PTPRC: variants seen among roughly 807,000 people sequenced by gnomAD.
PTPRC encodes the protein protein tyrosine phosphatase receptor type C, also known as receptor-type tyrosine-protein phosphatase C.
A neutral mutation model predicts 155.9 loss-of-function variants in PTPRC; 44 were observed. The ratio of observed to expected loss-of-function variants is 0.28; its 90% CI spans 0.22 to 0.36. PTPRC has a LOEUF of 0.36. Ranked by LOEUF, PTPRC falls within the 10% of genes least tolerant of loss-of-function variation. The pLI, the probability that PTPRC is intolerant of heterozygous loss-of-function variation, is 1.00. For missense variants in PTPRC, 1,401 were observed against 1,564.6 expected (o/e 0.90, Z 1.76); for synonymous variants, 525 against 533.1 (o/e 0.98, Z 0.21).
At chr1:198,739,609 T>C (rs1358014042) in intron 23 of PTPRC, among the ~76,000 whole-genome samples, 1 of 151,758 alleles carries the variant, frequency 6.6e-6, no homozygotes, top group Non-Finnish European at 1.5e-5. Flanking sequence ...AAGAGAGAGA[T>C]AGACTCCAAT....
At chr1:198,703,461 G>T (rs755851924) in intron 7 of PTPRC, 89 bp downstream of exon 7, 32 of 1,598,244 alleles carry the variant, frequency 2.0e-5, no homozygotes, top group Middle Eastern at 1.7e-4. Context: ...TCTACCTCGG[G>T]CTCCTTTCTT....
At chr1:198,690,537 T>G (rs1428952610) in intron 2 of PTPRC, among the ~76,000 whole-genome samples, 2 of 152,058 alleles carry the variant, frequency 1.3e-5, no homozygotes, top group Non-Finnish European at 2.9e-5. Flanking sequence ...TGTTAATAAT[T>G]ATGTATCACC....
Position 198,709,691 on chromosome 1 carries a change from T to C in PTPRC, c.1038T>C (p.Asn346=), listed in dbSNP as rs765657824. The change falls in exon 11 of 33, where the codon AAT becomes AAC. Residue 346 remains asparagine (N), a synonymous_variant. Coordinates refer to ENST00000442510, the MANE Select transcript of PTPRC (RefSeq NM_002838.5). The part of the protein sequence containing the change: ...QNITYRFQCG[N]MIFDNKEIKL... ...CGAAATATTTCTTTATTTCAGGTAA[T>C]ATGATATTTGATAATAAAGAAATTA... 2 of 1,567,368 alleles carry C rather than the reference T, an allele frequency of 1.3e-6. No individual in the cohort carries two copies. The highest frequency in any genetic ancestry group is 1.2e-5 in the South Asian group (1 of 86,124).
intron 3 of PTPRC, chr1:198,692,943 A>T (rs1666007676): frequency 1.1e-6 from 1 of 915,408 alleles, no homozygotes; most frequent in African/African-American, 1.8e-5. Flanking sequence ...CTGCAAATAA[A>T]TTCATACATA....
At chr1:198,704,073 T>C (rs1666604783) in intron 7 of PTPRC, among the ~76,000 whole-genome samples, 1 of 152,182 alleles carries the variant, frequency 6.6e-6, no homozygotes, top group South Asian at 2.1e-4. Flanking sequence ...CTTTTTTTTA[T>C]GTAAATGAAA....
Position 198,732,490 on chromosome 1 carries a change from C to G in PTPRC, c.2076C>G (p.Asn692Lys). ...RYVDILPYDY[N>K]RVELSEINGD... is the part of the protein sequence containing the mutation. Reference sequence around the variant, plus strand: ...CTTTTCCTTAAACAGATGATTATAACCGTGTTGAACTCTCTGAGATAAACG... The same window carrying G: ...CTTTTCCTTAAACAGATGATTATAAGCGTGTTGAACTCTCTGAGATAAACG... The change falls in exon 20 of 33, where the codon AAC (asparagine) becomes AAG (lysine). Residue 692 changes from asparagine to lysine, a missense_variant. Around this residue, in one of 3 missense-constraint regions of PTPRC, gnomAD observed 867 missense variants for 970.4 expected, o/e 0.89. Coordinates refer to ENST00000442510, the MANE Select transcript of PTPRC (RefSeq NM_002838.5). 1 of 1,610,692 alleles carries G rather than the reference C, an allele frequency of 6.2e-7. No individual in the cohort carries two copies. The highest frequency in any genetic ancestry group is 1.7e-4 in the Middle Eastern group (1 of 5,864).
chr1:198,660,026 TGTCC>T (rs1290024164), intron 2 of PTPRC, among the ~76,000 whole-genome samples: 48 of 114,382 alleles, frequency 4.2e-4, no homozygotes, highest in African/African-American at 1.5e-3. Context: ...TCCATATATA[TGTCC>T]ATATATATAT....
At chr1:198,681,822 C>T (rs1571826493) in intron 2 of PTPRC, among the ~76,000 whole-genome samples, 1 of 152,134 alleles carries the variant, frequency 6.6e-6, no homozygotes, top group East Asian at 1.9e-4. Flanking sequence ...TTTTGAAATA[C>T]ATTTTTATTG....
At chr1:198,657,394 T>C (rs1663653989) in intron 2 of PTPRC, among the ~76,000 whole-genome samples, 1 of 152,106 alleles carries the variant, frequency 6.6e-6, no homozygotes, top group Non-Finnish European at 1.5e-5. Flanking sequence ...CTCTCTAAGC[T>C]AAGAAAGGAT....
rs1346163456 is a variant in PTPRC at position 198,756,570 on chromosome 1, T to TAA, written c.*390_*391dup. 1 of 194,462 alleles carries TAA rather than the reference T, an allele frequency of 5.1e-6. No homozygotes were observed. The highest frequency in any genetic ancestry group is 1.1e-5 in the Non-Finnish European group (1 of 94,544). 12.0% of individuals were successfully genotyped at this position (194,462 alleles called of 1,614,324 possible). ...AAAATACATTTTATATTAGAAGTGT[T>TAA]AACTTAGCTTGAAGGATCTGTTTTT... is the stretch of plus-strand genomic sequence containing the variant. On this transcript the variant is annotated 3_prime_UTR_variant, in exon 33 of 33. Coordinates refer to ENST00000442510, the MANE Select transcript of PTPRC (RefSeq NM_002838.5).
chr1:198,719,119 T>C (rs937825634), intron 14 of PTPRC, among the ~76,000 whole-genome samples: 1 of 152,140 alleles, frequency 6.6e-6, no homozygotes, highest in Non-Finnish European at 1.5e-5. Context: ...TGGGTCAAAA[T>C]GTATTTTGAG....
Position 198,728,382 on chromosome 1 carries a change from T to C in PTPRC, c.1763T>C (p.Ile588Thr). 1.9e-6 allele frequency: 3 copies of C among 1,613,190 alleles called. No individual in the cohort carries two copies. Among genetic ancestry groups the C allele is most frequent in the Non-Finnish European group, 2.5e-6 (3 of 1,179,602 alleles). The change falls in exon 16 of 33, where the codon ATT (isoleucine) becomes ACT (threonine). Residue 588 changes from isoleucine to threonine, a missense_variant. Physicochemically the swap from Ile to Thr is moderately conservative, Grantham distance 89. Around this residue, in one of 3 missense-constraint regions of PTPRC, gnomAD observed 867 missense variants for 970.4 expected, o/e 0.89. Coordinates refer to ENST00000442510, the MANE Select transcript of PTPRC (RefSeq NM_002838.5). ...ALIAFLAFLI[I>T]VTSIALLVVL... is the part of the protein sequence containing the mutation. ...ATAGCATTTCTGGCATTTCTGATTA[T>C]TGTGACATCAATAGCCCTGCTTGTT...
At chr1:198,681,030 A>G (rs1280717492) in intron 2 of PTPRC, among the ~76,000 whole-genome samples, 2 of 152,208 alleles carry the variant, frequency 1.3e-5, no homozygotes, top group Admixed American at 6.5e-5. Context: ...TGAGGATTGT[A>G]TAAGACAATG....
rs1390993802 is a variant in PTPRC at position 198,754,260 on chromosome 1, CT to C, written c.3510-5del. 1 of 1,604,752 alleles carries C rather than the reference CT, an allele frequency of 6.2e-7. No individual in the cohort carries two copies. Among genetic ancestry groups the C allele is most frequent in the African/African-American group, 1.3e-5 (1 of 74,562 alleles). On this transcript the variant is annotated splice_polypyrimidine_tract_variant and splice_region_variant and intron_variant, in intron 31 of 32. Transcript: ENST00000442510. ...TAGGATTATTTTCTATCTTTTCTTT[CT>C]TTTATAGGGATGGATCTCAGCAAAC...
intron 31 of PTPRC, 111 bp from the exon 32 acceptor site, chr1:198,754,158 T>C: frequency 5.4e-6 from 7 of 1,308,164 alleles, no homozygotes; most frequent in Non-Finnish European, 7.5e-6. Context: ...AATAAGATAA[T>C]TATGATAAAC....
At chr1:198,662,346 C>G (rs1005633389) in intron 2 of PTPRC, among the ~76,000 whole-genome samples, 4 of 151,518 alleles carry the variant, frequency 2.6e-5, no homozygotes, top group African/African-American at 9.7e-5. Flanking sequence ...AAAATGTAGG[C>G]AATTTATTTG....
At chr1:198,729,362 C>T (rs959978838) in intron 17 of PTPRC, among the ~76,000 whole-genome samples, 191 bp downstream of exon 17, 1 of 152,120 alleles carries the variant, frequency 6.6e-6, no homozygotes, top group Admixed American at 6.6e-5. Flanking sequence ...TGTGCCTCAG[C>T]TTCCCAAGTA....
chr1:198,750,038 A>G (rs868433902), intron 28 of PTPRC, among the ~76,000 whole-genome samples: 1 of 140,788 alleles, frequency 7.1e-6, no homozygotes, highest in East Asian at 2.1e-4. Flanking sequence ...TTTATTATTT[A>G]TACACTGTTG....
In PTPRC at chr1:198,756,067, A is replaced by G; in HGVS notation, c.3807A>G (p.Glu1269=). Reference sequence around the variant, plus strand: ...GTGTTAATCCACTTGGTGCCCCAGAAAAGCTCCCTGAAGCAAAGGAACAGG... The same window carrying G: ...GTGTTAATCCACTTGGTGCCCCAGAGAAGCTCCCTGAAGCAAAGGAACAGG... ...ANCVNPLGAP[E]KLPEAKEQAE... Residue 1269 remains glutamate, a synonymous_variant, in exon 33 of 33, where the codon GAA becomes GAG. Coordinates refer to ENST00000442510, the MANE Select transcript of PTPRC (RefSeq NM_002838.5). The G allele has an allele frequency of 6.2e-7, 1 of 1,613,492 alleles. No homozygotes were observed.
Sources: allele counts gnomAD v4.1 joint callset (sites outside exome capture counted in the v4.1 genomes callset), GRCh38; gene constraint gnomAD v4.1.1; regional missense constraint gnomAD v4.1.1; transcripts MANE v1.5; gene names NCBI Gene and HGNC (gene_info 2026-07-23, HGNC 2026-07-21).